Variants in C1orf87 observed in about 807,000 individuals in gnomAD.
C1orf87 encodes the protein uncharacterized protein C1orf87.
Under a neutral mutation model 60.5 loss-of-function variants are expected in C1orf87, and 58 were observed. The observed-to-expected ratio is 0.96, with a 90% CI of 0.78 to 1.19. The LOEUF (loss-of-function observed/expected upper bound fraction) is 1.19, where lower values mean the gene tolerates loss of function less well. Ranked by LOEUF, C1orf87 falls within the 50% of genes most tolerant of loss-of-function variation. The probability of loss-of-function intolerance (pLI) is 0.00; values close to 1 mark genes in which losing one functional copy is unlikely to be tolerated. For missense variants in C1orf87, 673 were observed against 638.6 expected, an observed-to-expected ratio of 1.05 and a Z score of -0.58; for synonymous variants, 236 against 227.4, an observed-to-expected ratio of 1.04 and a Z score of -0.34.
intron 3 of C1orf87, among the ~76,000 whole-genome samples, chr1:60,047,210 G>C (rs185197852): frequency 2.0e-5 from 3 of 152,120 alleles, no homozygotes; most frequent in Admixed American, 2.0e-4. Flanking sequence ...ATGAATAAAT[G>C]CTTGGTTGTT....
At chr1:60,064,793 AAT>A (rs1238506818) in intron 2 of C1orf87, among the ~76,000 whole-genome samples, 4 of 93,926 alleles carry the variant, frequency 4.3e-5, no homozygotes, top group South Asian at 2.9e-4. Context: ...ATATATATTA[AAT>A]ATATAATTAT....
intron 9 of C1orf87, among the ~76,000 whole-genome samples, chr1:60,006,200 A>G (rs1645044177): frequency 6.6e-6 from 1 of 152,062 alleles, no homozygotes; most frequent in African/African-American, 2.4e-5. Flanking sequence ...ACTACCATAT[A>G]GAGCCTGAAG....
At chr1:60,035,183 C>G (rs996825419) in intron 6 of C1orf87, among the ~76,000 whole-genome samples, 10 of 152,288 alleles carry the variant, frequency 6.6e-5, no homozygotes, top group African/African-American at 1.9e-4. Context: ...CTCTTTGCTG[C>G]AAGGGCACAT....
intron 9 of C1orf87, among the ~76,000 whole-genome samples, chr1:60,001,971 T>C (rs992296825): frequency 6.6e-6 from 1 of 152,142 alleles, no homozygotes; most frequent in Non-Finnish European, 1.5e-5. Context: ...CTGAGCCTTA[T>C]TGTAGGTATC....
intron 9 of C1orf87, among the ~76,000 whole-genome samples, chr1:60,002,263 T>A (rs1229557648): frequency 6.6e-6 from 1 of 152,240 alleles, no homozygotes; most frequent in Non-Finnish European, 1.5e-5. Context: ...CCTGGCTTTG[T>A]TCCTTGCTAG....
chr1:60,009,877 T>C (rs1039525254), intron 9 of C1orf87, among the ~76,000 whole-genome samples: 7 of 152,114 alleles, frequency 4.6e-5, no homozygotes, highest in African/African-American at 1.7e-4. Context: ...CATGTTATTT[T>C]ACAACTGCAT....
At chr1:60,064,950 A>G (rs1364781073) in intron 2 of C1orf87, among the ~76,000 whole-genome samples, 1 of 41,348 alleles carries the variant, frequency 2.4e-5, no homozygotes, top group Non-Finnish European at 4.8e-5. Flanking sequence ...AATATATAAT[A>G]AATATATAAT....
At chr1:60,062,322 C>A (rs759091113) in intron 2 of C1orf87, among the ~76,000 whole-genome samples, 1 of 152,160 alleles carries the variant, frequency 6.6e-6, no homozygotes, top group Admixed American at 6.6e-5. Flanking sequence ...ACACAACACA[C>A]ATTTTTGTGT....
At chr1:60,009,881 A>G (rs900534103) in intron 9 of C1orf87, among the ~76,000 whole-genome samples, 4 of 152,036 alleles carry the variant, frequency 2.6e-5, no homozygotes. Context: ...TTATTTTACA[A>G]CTGCATCGTT....
At chr1:60,062,764 T>C (rs1193084648) in intron 2 of C1orf87, among the ~76,000 whole-genome samples, 4 of 152,212 alleles carry the variant, frequency 2.6e-5, no homozygotes, top group Non-Finnish European at 4.4e-5. Flanking sequence ...ATTTTGTTTT[T>C]GACTTTGACT....
intron 2 of C1orf87, among the ~76,000 whole-genome samples, chr1:60,064,788 TA>T (rs1412356944): frequency 2.1e-5 from 2 of 93,520 alleles, no homozygotes; most frequent in Non-Finnish European, 3.8e-5. Context: ...TATAAATATA[TA>T]TTAAATATAT....
chr1:59,994,104 A>C (rs891441659), intron 11 of C1orf87, among the ~76,000 whole-genome samples: 1 of 152,130 alleles, frequency 6.6e-6, no homozygotes, highest in African/African-American at 2.4e-5. Context: ...TATATAAAGA[A>C]CTTTCAATCT....
intron 2 of C1orf87, among the ~76,000 whole-genome samples, chr1:60,067,599 T>A (rs1391958103): frequency 2.0e-5 from 3 of 146,828 alleles, no homozygotes; most frequent in Non-Finnish European, 4.5e-5. Flanking sequence ...TTTATTTAAG[T>A]CCCTTGTAGA....
chr1:60,072,634 C>T lies in C1orf87; in HGVS notation c.10G>A (p.Ala4Thr). 6.2e-7 allele frequency: 1 copy of T among 1,608,308 alleles called. No homozygotes were observed. Among genetic ancestry groups the T allele is most frequent in the Non-Finnish European group, 8.5e-7 (1 of 1,178,064 alleles). Residue 4 changes from alanine to threonine, a missense_variant, in exon 2 of 12, where the codon GCC becomes ACC. Coordinates refer to ENST00000371201, the MANE Select transcript of C1orf87 (RefSeq NM_152377.3). The part of the protein sequence containing the change: MSS[A>T]WKTPRGSDAM... ...TCTGATCCACGGGGAGTCTTCCAGG[C>T]TGAAGACATGATTCCTTTCAAAATC...
intron 3 of C1orf87, among the ~76,000 whole-genome samples, chr1:60,043,678 T>C (rs191201408): frequency 6.6e-6 from 1 of 152,228 alleles, no homozygotes; most frequent in Non-Finnish European, 1.5e-5. Flanking sequence ...CCAATTTCAC[T>C]CTTTAAAATA....
intron 3 of C1orf87, among the ~76,000 whole-genome samples, chr1:60,048,854 G>A (rs1324214857): frequency 6.6e-6 from 1 of 151,676 alleles, no homozygotes; most frequent in Admixed American, 6.6e-5. Flanking sequence ...AATTAATAAT[G>A]TATCTTGTTA....
intron 9 of C1orf87, among the ~76,000 whole-genome samples, chr1:60,007,986 A>T (rs978984933): frequency 2.6e-5 from 4 of 152,014 alleles, no homozygotes; most frequent in Admixed American, 2.6e-4. Context: ...CTTTGATAAC[A>T]TTTACCTGTG....
At chr1:60,018,548 TC>T (rs1179885804) in intron 8 of C1orf87, among the ~76,000 whole-genome samples, 2 of 152,374 alleles carry the variant, frequency 1.3e-5, no homozygotes, top group Non-Finnish European at 2.9e-5. Flanking sequence ...CTATTGAGTC[TC>T]TACTACGTAC....
intron 9 of C1orf87, among the ~76,000 whole-genome samples, chr1:60,004,666 C>A (rs1645030129): frequency 6.6e-6 from 1 of 151,862 alleles, no homozygotes; most frequent in Admixed American, 6.6e-5. Flanking sequence ...TTTGAAAAAC[C>A]TGAGGCAGAG....
Sources: gnomAD v4.1 joint callset for allele counts (sites outside exome capture counted in the v4.1 genomes callset) on GRCh38, gnomAD v4.1.1 for gene constraint, MANE v1.5 for transcripts, NCBI Gene and HGNC (gene_info 2026-07-23, HGNC 2026-07-21) for gene names.